Variants in KCNQ2 observed in about 807,000 individuals in gnomAD.
KCNQ2 encodes the protein potassium voltage-gated channel subfamily KQT member 2.
Under a neutral mutation model 84.8 loss-of-function variants are expected in KCNQ2, and 14 were observed. The observed-to-expected ratio is 0.17, with a 90% confidence interval of 0.11 to 0.26. The LOEUF is 0.26. KCNQ2 is among the 10% of genes least tolerant of loss of function. The pLI is 1.00. For missense variants in KCNQ2, 788 were observed against 1,254.0 expected (o/e 0.63, Z 5.61); for synonymous variants, 599 against 554.1 (o/e 1.08, Z -1.14).
chr20:63,423,911 T>TCCCCCCCCC, intron 11 of KCNQ2: 1 of 463,452 alleles, frequency 2.2e-6, no homozygotes, highest in African/African-American at 2.1e-5. Flanking sequence ...GGGTGGGGGA[T>TCCCCCCCCC]CCCCCACCCC....
At chr20:63,442,086 C>T (rs1268159213) in intron 5 of KCNQ2, among the ~76,000 whole-genome samples, 1 of 152,220 alleles carries the variant, frequency 6.6e-6, no homozygotes, top group Non-Finnish European at 1.5e-5. Context: ...TCTCCCCTTT[C>T]CCCCAATAAT....
intron 1 of KCNQ2, among the ~76,000 whole-genome samples, chr20:63,450,130 C>T (rs1336193305): frequency 6.6e-6 from 1 of 150,454 alleles, no homozygotes; most frequent in Non-Finnish European, 1.5e-5. Flanking sequence ...CGCCTCACCC[C>T]GTCCCTCACT....
rs1905737658 is a variant in KCNQ2, at chr20:63,444,683, G to C, written c.666C>G (p.Gly222=). 2 of 1,573,544 alleles carry C rather than the reference G, an allele frequency of 1.3e-6. No homozygotes were observed. Among genetic ancestry groups the C allele is most frequent in the Non-Finnish European group, 1.7e-6 (2 of 1,159,204 alleles). ...CCTTGCTGTGGGCATAGACCACAGAGCCCAGCAGCTTCCAGGTGCCTCCCC... is the reference window on the plus strand; with the variant it reads ...CCTTGCTGTGGGCATAGACCACAGACCCCAGCAGCTTCCAGGTGCCTCCCC... The part of the protein sequence containing the change: ...DRRGGTWKLL[G]SVVYAHSKEL... The change falls in exon 4 of 17, where the codon GGC becomes GGG. Residue 222 remains glycine (G), a synonymous_variant. Coordinates refer to ENST00000359125, the MANE Select transcript of KCNQ2 (RefSeq NM_172107.4).
chr20:63,461,946 G>A (rs2081965628), intron 1 of KCNQ2, among the ~76,000 whole-genome samples: 1 of 128,454 alleles, frequency 7.8e-6, no homozygotes, highest in Admixed American at 7.6e-5. Flanking sequence ...GCAGGGAGGA[G>A]GCTGCATCTA....
chr20:63,415,496 G>A (rs1400199834), intron 12 of KCNQ2, among the ~76,000 whole-genome samples: 8 of 122,132 alleles, frequency 6.6e-5, no homozygotes, highest in African/African-American at 1.4e-4. Context: ...GAGGCCACGG[G>A]GACCGAGCAC....
At chr20:63,416,302 G>A (rs1043114549) in intron 12 of KCNQ2, among the ~76,000 whole-genome samples, 2 of 152,220 alleles carry the variant, frequency 1.3e-5, no homozygotes, top group East Asian at 3.9e-4. Context: ...CCTTGCCCCC[G>A]AGTTTTTTGG....
chr20:63,451,458 C>G (rs1263693661), intron 1 of KCNQ2, among the ~76,000 whole-genome samples: 1 of 152,174 alleles, frequency 6.6e-6, no homozygotes, highest in Non-Finnish European at 1.5e-5. Flanking sequence ...CCCAGAAGCT[C>G]TAGGGAGAAC....
At chr20:63,415,245 T>C (rs1367771714) in intron 12 of KCNQ2, 119 bp from the exon 13 acceptor site, 15 of 930,794 alleles carry the variant, frequency 1.6e-5, no homozygotes, top group Non-Finnish European at 2.2e-5. Flanking sequence ...GAGACACAGG[T>C]CTGAAGAACA....
At chr20:63,444,034 C>G (rs950075149) in intron 4 of KCNQ2, among the ~76,000 whole-genome samples, 3 of 152,256 alleles carry the variant, frequency 2.0e-5, no homozygotes, top group Admixed American at 6.5e-5. Context: ...GAGGGGCCAC[C>G]GGGGGCTGAC....
intron 7 of KCNQ2, among the ~76,000 whole-genome samples, chr20:63,437,944 G>A (rs2081053160): frequency 6.6e-6 from 1 of 152,152 alleles, no homozygotes; most frequent in African/African-American, 2.4e-5. Flanking sequence ...CGAGTAGCTG[G>A]GATTACAGAC....
chr20:63,471,242 C>T (rs2082206401), intron 1 of KCNQ2: 1 of 152,344 alleles, frequency 6.6e-6, no homozygotes, highest in South Asian at 2.1e-4. Flanking sequence ...GAGCAAGCGC[C>T]CTGGCGCGGG....
Position 63,413,405 on chromosome 20 carries a change from C to A in KCNQ2, c.1763+45G>T, listed in dbSNP as rs771650142. ...CACAGTGGGCTTTGTCCCAGAAGCC[C>A]ACCCCGTTCTTGTCCCCTGCTGGAC... On this transcript the variant is annotated intron_variant, in intron 15 of 16. Transcript: ENST00000359125. The A allele has an allele frequency of 5.0e-6, 8 of 1,610,598 alleles. No homozygotes were observed. The Admixed American group carries it at 1.3e-4, about 27-fold the overall frequency.
Position 63,425,838 on chromosome 20 carries a change from A to G in KCNQ2, c.1218-1632T>C, listed in dbSNP as rs2080612657. Reference sequence around the variant, plus strand: ...CGTGGGTGTGCGCCAACCTGGGGCTAAAGTCCTCCATGCATGGGCTTGTGA... The same window carrying G: ...CGTGGGTGTGCGCCAACCTGGGGCTGAAGTCCTCCATGCATGGGCTTGTGA... On this transcript the variant is annotated intron_variant, in intron 10 of 16. Transcript: ENST00000359125. The surrounding 1 kb of genome is among the most constrained non-coding windows in gnomAD (Gnocchi z 5.5). Among the ~76,000 whole-genome samples, 1 of 152,244 alleles carries G rather than the reference A, an allele frequency of 6.6e-6. No individual in the cohort carries two copies. Among genetic ancestry groups the G allele is most frequent in the African/African-American group, 2.4e-5 (1 of 41,468 alleles).
At chr20:63,413,337 G>A (rs770547216) in intron 15 of KCNQ2, 113 bp downstream of exon 15, 1 of 1,290,586 alleles carries the variant, frequency 7.7e-7, no homozygotes, top group Non-Finnish European at 1.1e-6. Context: ...CGTGGGTGGG[G>A]AGGAGGCCCC....
At chr20:63,410,074 C>T (rs1222959247) in intron 15 of KCNQ2, 7 of 240,292 alleles carry the variant, frequency 2.9e-5, no homozygotes, top group Middle Eastern at 1.6e-3. Context: ...TCATGCTCCG[C>T]GGGGCTTCAT....
At chr20:63,429,392 A>G (rs1239690447) in intron 9 of KCNQ2, among the ~76,000 whole-genome samples, 1 of 149,692 alleles carries the variant, frequency 6.7e-6, no homozygotes, top group African/African-American at 2.5e-5. Flanking sequence ...AGCACTCCCC[A>G]CTGGGGCCAC....
chr20:63,440,843 G>A (rs2081141084), intron 5 of KCNQ2, among the ~76,000 whole-genome samples: 2 of 152,088 alleles, frequency 1.3e-5, no homozygotes. Flanking sequence ...CTGGGAAGGA[G>A]GCTGCCACAC....
At position 63,460,711 on chromosome 20, in the gene KCNQ2, A is replaced by G. The variant is rs905888198; in HGVS notation, c.296+11457T>C. ...CCTTCCTGGCCAGGGTGGCCTCATCACCTAATCACATTCAGGCAGACCCGG... is the reference window on the plus strand; with the variant it reads ...CCTTCCTGGCCAGGGTGGCCTCATCGCCTAATCACATTCAGGCAGACCCGG... On this transcript the variant is annotated intron_variant, in intron 1 of 16. Coordinates refer to ENST00000359125, the MANE Select transcript of KCNQ2 (RefSeq NM_172107.4). The surrounding 1 kb of genome is among the most constrained non-coding windows in gnomAD (Gnocchi z 5.4). Among the ~76,000 whole-genome samples the G allele has an allele frequency of 1.1e-4, 17 of 151,970 alleles. No individual in the cohort carries two copies. Among genetic ancestry groups the G allele is most frequent in the Admixed American group, 6.5e-5 (1 of 15,270 alleles).
chr20:63,402,790 G>A lies in KCNQ2; in HGVS notation c.*3854C>T, dbSNP rs982794990. The A allele has an allele frequency of 1.3e-5, 2 of 152,406 alleles. No homozygotes were observed. Among genetic ancestry groups the A allele is most frequent in the Non-Finnish European group, 2.9e-5 (2 of 68,172 alleles). 9.4% of individuals were successfully genotyped at this position (152,406 alleles called of 1,614,324 possible). A position where few individuals can be genotyped will look rare whatever the true frequency, so the allele number is the denominator to read the frequency against. On this transcript the variant is annotated 3_prime_UTR_variant, in exon 17 of 17. Transcript: ENST00000359125. The stretch of plus-strand genomic sequence containing the variant: ...GGCTTGAGACGAGGCCCCCCAAAAG[G>A]TAGGGGCATCGCTGAGGGGCAGCGT...
Sources: allele counts gnomAD v4.1 joint callset (sites outside exome capture counted in the v4.1 genomes callset), GRCh38; gene constraint gnomAD v4.1.1; non-coding constraint Gnocchi (gnomAD v3.1); transcripts MANE v1.5; gene names NCBI Gene and HGNC (gene_info 2026-07-23, HGNC 2026-07-21).